VPS13B: variants seen among roughly 807,000 people sequenced by gnomAD.
VPS13B encodes vacuolar protein sorting 13 homolog B, also known as intermembrane lipid transfer protein VPS13B.
VPS13B carries 285 observed loss-of-function variants against 426.4 expected under a neutral mutation model. The ratio of observed to expected loss-of-function variants is 0.67; its 90% CI spans 0.61 to 0.74. The LOEUF is 0.74. Ranked by LOEUF, VPS13B falls within the 30% of genes least tolerant of loss-of-function variation. The probability of loss-of-function intolerance (pLI) is 0.00; values close to 1 mark genes in which losing one functional copy is unlikely to be tolerated. For missense variants in VPS13B, 4,537 were observed against 4,782.6 expected (o/e 0.95, Z 1.51); for synonymous variants, 1,676 against 1,676.4 (o/e 1.00, Z 0.01).
At chr8:99,698,427 A>G (rs1398916699) in intron 35 of VPS13B, among the ~76,000 whole-genome samples, 2 of 152,198 alleles carry the variant, frequency 1.3e-5, no homozygotes, top group African/African-American at 4.8e-5. Flanking sequence ...TTCATGAGAC[A>G]CAGCCCAGCC....
At chr8:99,407,912 A>G (rs1815419099) in intron 21 of VPS13B, among the ~76,000 whole-genome samples, 1 of 152,180 alleles carries the variant, frequency 6.6e-6, no homozygotes, top group Non-Finnish European at 1.5e-5. Context: ...GTGATCTTCT[A>G]AAGACATGAG....
chr8:99,029,526 C>T (rs945725882), intron 2 of VPS13B, among the ~76,000 whole-genome samples: 2 of 152,134 alleles, frequency 1.3e-5, no homozygotes, highest in Non-Finnish European at 1.5e-5. Flanking sequence ...AATCCCGGCA[C>T]CTTGGGAGGC....
chr8:99,874,321 C>CTGTT (rs1027177208), intron 61 of VPS13B, among the ~76,000 whole-genome samples: 5 of 152,220 alleles, frequency 3.3e-5, no homozygotes, highest in Admixed American at 2.0e-4. Flanking sequence ...GAGCTTTCGT[C>CTGTT]TGTTAGTGAA....
At chr8:99,587,254 G>A (rs1376856391) in intron 33 of VPS13B, among the ~76,000 whole-genome samples, 2 of 152,152 alleles carry the variant, frequency 1.3e-5, no homozygotes, top group South Asian at 2.1e-4. Flanking sequence ...CCAAGTCTTT[G>A]CTATTGTGAA....
intron 6 of VPS13B, among the ~76,000 whole-genome samples, chr8:99,115,257 A>G (rs762205582): frequency 1.3e-5 from 2 of 152,106 alleles, no homozygotes; most frequent in Non-Finnish European, 2.9e-5. Flanking sequence ...TTTATGGTTA[A>G]TAAACCTGGA....
chr8:99,681,385 A>G (rs1831148574), intron 35 of VPS13B, among the ~76,000 whole-genome samples: 1 of 152,234 alleles, frequency 6.6e-6, no homozygotes, highest in Non-Finnish European at 1.5e-5. Flanking sequence ...TATGTTTTGC[A>G]AGAAATGTGG....
At chr8:99,503,541 C>T (rs1341117542) in intron 27 of VPS13B, among the ~76,000 whole-genome samples, 1 of 152,172 alleles carries the variant, frequency 6.6e-6, no homozygotes, top group Non-Finnish European at 1.5e-5. Flanking sequence ...AACTTTGCTG[C>T]TGCTGTAAAA....
chr8:99,013,524 G>A (rs1841432075), intron 1 of VPS13B, among the ~76,000 whole-genome samples, 177 bp downstream of exon 1: 1 of 152,226 alleles, frequency 6.6e-6, no homozygotes, highest in South Asian at 2.1e-4. Flanking sequence ...CTTCCACTCT[G>A]AGGGACCCGC....
chr8:99,829,332 A>C (rs1443008099), intron 51 of VPS13B, among the ~76,000 whole-genome samples: 1 of 151,708 alleles, frequency 6.6e-6, no homozygotes, highest in Non-Finnish European at 1.5e-5. Context: ...TTCATGCTTT[A>C]TTTCATTAAG....
At chr8:99,244,694 G>C (rs1351394366) in intron 17 of VPS13B, among the ~76,000 whole-genome samples, 1 of 152,166 alleles carries the variant, frequency 6.6e-6, no homozygotes, top group Non-Finnish European at 1.5e-5. Flanking sequence ...ATAACACTAA[G>C]AGTATTCATC....
chr8:99,255,467 A>G (rs899120723), intron 17 of VPS13B, among the ~76,000 whole-genome samples: 8 of 151,916 alleles, frequency 5.3e-5, no homozygotes, highest in African/African-American at 1.9e-4. Context: ...ATGTTTGGAT[A>G]TTGTTTTCCG....
intron 35 of VPS13B, among the ~76,000 whole-genome samples, chr8:99,683,810 C>T (rs554435060): frequency 3.9e-4 from 60 of 152,232 alleles, no homozygotes; most frequent in African/African-American, 8.7e-4. Flanking sequence ...AAATGGGCAT[C>T]GTTTTCTTTG....
intron 51 of VPS13B, 124 bp from the exon 52 acceptor site, chr8:99,832,245 G>A (rs940541346): frequency 7.5e-7 from 1 of 1,341,394 alleles, no homozygotes; most frequent in Admixed American, 2.7e-5. Context: ...CTGCGTGATG[G>A]AGTGAGACTG....
intron 30 of VPS13B, among the ~76,000 whole-genome samples, chr8:99,526,254 AT>A (rs2133683108): frequency 6.6e-6 from 1 of 152,188 alleles, no homozygotes; most frequent in East Asian, 1.9e-4. Context: ...AATTATTAAT[AT>A]TTTTGCTACT....
intron 31 of VPS13B, among the ~76,000 whole-genome samples, chr8:99,567,555 T>C (rs1825249562): frequency 6.6e-6 from 1 of 152,022 alleles, no homozygotes; most frequent in African/African-American, 2.4e-5. Flanking sequence ...ATACTGATAC[T>C]TTCTTTAAAT....
At chr8:99,423,034 T>G (rs1816461601) in intron 21 of VPS13B, among the ~76,000 whole-genome samples, 1 of 152,228 alleles carries the variant, frequency 6.6e-6, no homozygotes. Flanking sequence ...TACTCTTTAT[T>G]GCAAATATTT....
intron 17 of VPS13B, among the ~76,000 whole-genome samples, chr8:99,213,620 C>T (rs889807215): frequency 6.6e-6 from 1 of 152,118 alleles, no homozygotes; most frequent in African/African-American, 2.4e-5. Context: ...CAGCTATGCC[C>T]CAGGGTTCAG....
chr8:99,715,486 T>G (rs1319084325), intron 36 of VPS13B, among the ~76,000 whole-genome samples: 7 of 152,158 alleles, frequency 4.6e-5, no homozygotes, highest in Admixed American at 1.3e-4. Flanking sequence ...GTTTTAGAAA[T>G]TTGTCAAAGG....
intron 30 of VPS13B, among the ~76,000 whole-genome samples, chr8:99,539,176 T>C (rs971672064): frequency 6.6e-6 from 1 of 152,226 alleles, no homozygotes; most frequent in Non-Finnish European, 1.5e-5. Flanking sequence ...GTGAAGAAAA[T>C]TTTAAAAATA....
Sources: allele counts gnomAD v4.1 joint callset (sites outside exome capture counted in the v4.1 genomes callset), GRCh38; gene constraint gnomAD v4.1.1; transcripts MANE v1.5; gene names NCBI Gene and HGNC (gene_info 2026-07-23, HGNC 2026-07-21).